The following TEX9 variants were observed in gnomAD, a reference collection of about 807,000 sequenced individuals.
The protein encoded by TEX9 is testis expressed 9.
In TEX9, 74 loss-of-function variants were observed where a neutral mutation model predicts 59.6. That is an observed-to-expected ratio of 1.24 (90% CI 1.03 to 1.51). The LOEUF (loss-of-function observed/expected upper bound fraction) is 1.51. Among genes scored for constraint, TEX9 ranks in the 40% most tolerant of loss-of-function variants. TEX9 has a pLI of 0.00. For missense variants in TEX9, 522 were observed against 447.8 expected (o/e 1.17, Z -1.49); for synonymous variants, 186 against 152.2 (o/e 1.22, Z -1.64).
intron 10 of TEX9, among the ~76,000 whole-genome samples, chr15:56,416,446 C>T (rs1257682067): frequency 2.0e-5 from 3 of 151,800 alleles, no homozygotes; most frequent in Admixed American, 1.3e-4. Context: ...TATTGAAAGC[C>T]TGTTCTGCAT....
At chr15:56,424,767 A>G (rs2050161482) in intron 10 of TEX9, among the ~76,000 whole-genome samples, 1 of 152,170 alleles carries the variant, frequency 6.6e-6, no homozygotes. Context: ...GAAAAGTGAA[A>G]GAATGAAAAG....
intron 10 of TEX9, 63 bp from the exon 11 acceptor site, chr15:56,427,542 C>A: frequency 9.5e-6 from 11 of 1,153,774 alleles, no homozygotes; most frequent in Non-Finnish European, 1.3e-5. Flanking sequence ...TGATGATAGT[C>A]TATAATTCTT....
rs756026531 is a variant in TEX9, at chr15:56,424,688, A to C, written c.964-2917A>C. ...TACTGGTGTCACAAATTACATCTTT[A>C]GGTTATGTACCCATTAACAAAGATT... On this transcript the variant is annotated intron_variant, in intron 10 of 12. Transcript: ENST00000352903. Among the ~76,000 whole-genome samples the C allele has an allele frequency of 6.0e-4, 91 of 152,154 alleles. 1 individual carries two copies. The highest frequency in any genetic ancestry group is 2.0e-4 in the Admixed American group (3 of 15,250).
chr15:56,358,392 A>G (rs1333181602), intron 1 of TEX9, among the ~76,000 whole-genome samples: 1 of 151,100 alleles, frequency 6.6e-6, no homozygotes, highest in Non-Finnish European at 1.5e-5. Context: ...GGTGTCCCAG[A>G]TCATCTAGCT....
At chr15:56,364,393 T>A (rs1308862351), upstream of TEX9, among the ~76,000 whole-genome samples, 4 of 151,646 alleles carry the variant, frequency 2.6e-5, no homozygotes, top group Non-Finnish European at 4.4e-5. Flanking sequence ...CCTCAGGTGA[T>A]CCACCCGCCT....
chr15:56,456,618 G>T, the TEX9 span: 1 of 1,180,730 alleles, frequency 8.5e-7, no homozygotes, highest in Non-Finnish European at 1.2e-6. Context: ...AATGCCTTAA[G>T]GCCAACAATT....
At chr15:56,271,021 C>G (rs1234522114) in intron 1 of TEX9, among the ~76,000 whole-genome samples, 2 of 152,180 alleles carry the variant, frequency 1.3e-5, no homozygotes, top group African/African-American at 4.8e-5. Context: ...GTCTGATGGG[C>G]TTCCCTTTGT....
intron 10 of TEX9, among the ~76,000 whole-genome samples, chr15:56,420,319 T>C (rs760389578): frequency 6.6e-6 from 1 of 151,108 alleles, no homozygotes; most frequent in South Asian, 2.1e-4. Context: ...CTTTTTTTTT[T>C]CTCCCCTAGA....
At chr15:56,431,241 C>G in intron 12 of TEX9, 1 of 980,562 alleles carries the variant, frequency 1.0e-6, no homozygotes. Flanking sequence ...AGTGCCTGGA[C>G]AGGAGGATCC....
exon 11 of TEX9, chr15:56,427,654 A>C: frequency 1.3e-6 from 2 of 1,551,378 alleles, no homozygotes; most frequent in Non-Finnish European, 1.7e-6. Flanking sequence ...AAATCAGAAA[A>C]CAAGAAGCTA....
chr15:56,321,091 T>C (rs1435747715), intron 1 of TEX9, among the ~76,000 whole-genome samples: 1 of 152,200 alleles, frequency 6.6e-6, no homozygotes, highest in African/African-American at 2.4e-5. Context: ...ATTTTTTATT[T>C]CCTACTTGTG....
chr15:56,334,592 G>A (rs1349474841), intron 1 of TEX9, among the ~76,000 whole-genome samples: 1 of 152,042 alleles, frequency 6.6e-6, no homozygotes, highest in Non-Finnish European at 1.5e-5. Flanking sequence ...ATTGGTTTGG[G>A]CAAAAATTTC....
chr15:56,254,721 A>G (rs905949755), intron 1 of TEX9, among the ~76,000 whole-genome samples: 1 of 151,698 alleles, frequency 6.6e-6, no homozygotes, highest in African/African-American at 2.4e-5. Flanking sequence ...TAAATTTAAA[A>G]AAGATGAATA....
chr15:56,410,232 T>C (rs1386021505), intron 9 of TEX9: 1 of 152,180 alleles, frequency 6.6e-6, no homozygotes, highest in Non-Finnish European at 1.5e-5. Context: ...TATCTGATTA[T>C]TTATTTATCC....
chr15:56,251,204 CA>C (rs2141295836), intron 1 of TEX9, among the ~76,000 whole-genome samples: 1 of 152,220 alleles, frequency 6.6e-6, no homozygotes, highest in South Asian at 2.1e-4. Context: ...GAAGTTATGC[CA>C]GTGTTATATT....
intron 1 of TEX9, among the ~76,000 whole-genome samples, chr15:56,304,352 AC>A (rs2045428476): frequency 6.6e-6 from 1 of 152,188 alleles, no homozygotes; most frequent in Admixed American, 6.5e-5. Context: ...TTCAGTCTTT[AC>A]CCATTTAGTA....
intron 1 of TEX9, among the ~76,000 whole-genome samples, chr15:56,300,024 A>G (rs1286737809): frequency 2.0e-5 from 3 of 152,040 alleles, no homozygotes; most frequent in African/African-American, 7.2e-5. Flanking sequence ...TTCAGCTTAA[A>G]TATTGACTTG....
intron 10 of TEX9, among the ~76,000 whole-genome samples, chr15:56,424,184 T>TATCTA (rs1409634809): frequency 6.6e-6 from 1 of 152,168 alleles, no homozygotes; most frequent in Non-Finnish European, 1.5e-5. Context: ...TATATAATTG[T>TATCTA]ATCTATCTTC....
At chr15:56,405,461 A>G (rs2049032370) in intron 9 of TEX9, among the ~76,000 whole-genome samples, 1 of 152,172 alleles carries the variant, frequency 6.6e-6, no homozygotes, top group Non-Finnish European at 1.5e-5. Context: ...ATCCCCCAAA[A>G]TTAAATGAAC....
Sources: allele counts gnomAD v4.1 joint callset (sites outside exome capture counted in the v4.1 genomes callset), GRCh38; gene constraint gnomAD v4.1.1; transcripts MANE v1.5; gene names NCBI Gene and HGNC (gene_info 2026-07-23, HGNC 2026-07-21).